Variants in GNA14 observed in about 807,000 individuals in gnomAD.
GNA14 encodes the protein G protein subunit alpha 14, also known as guanine nucleotide-binding protein subunit alpha-14.
GNA14 carries 50 observed loss-of-function variants against 42.0 expected under a neutral mutation model. The observed-to-expected ratio is 1.19, with a 90% CI of 0.95 to 1.51. The LOEUF (loss-of-function observed/expected upper bound fraction) is 1.51. Ranked by LOEUF, GNA14 falls within the 40% of genes most tolerant of loss-of-function variation. The pLI, the probability that GNA14 is intolerant of heterozygous loss-of-function variation, is 0.00. For synonymous variants in GNA14, 173 were observed against 163.1 expected (o/e 1.06, Z -0.46); for missense variants, 473 against 446.2 (o/e 1.06, Z -0.54).
At chr9:77,622,660 G>A (rs917333775) in intron 1 of GNA14, among the ~76,000 whole-genome samples, 2 of 150,888 alleles carry the variant, frequency 1.3e-5, no homozygotes, top group African/African-American at 4.9e-5. Context: ...GCTGAGGCAG[G>A]CAGATCACGA....
chr9:77,435,847 C>G (rs1835632480), intron 2 of GNA14, among the ~76,000 whole-genome samples: 1 of 152,074 alleles, frequency 6.6e-6, no homozygotes, highest in African/African-American at 2.4e-5. Flanking sequence ...TTGTAGCAGA[C>G]AAGTGAATCC....
chr9:77,496,565 C>T (rs527526521), intron 2 of GNA14, among the ~76,000 whole-genome samples: 67 of 152,212 alleles, frequency 4.4e-4, no homozygotes, highest in African/African-American at 1.3e-3. Context: ...TTGCCAGGTG[C>T]GCACAGTTAA....
chr9:77,553,733 C>A (rs546739764), intron 1 of GNA14, among the ~76,000 whole-genome samples: 132 of 152,086 alleles, frequency 8.7e-4, no homozygotes, highest in Non-Finnish European at 1.7e-3. Flanking sequence ...GCTTGCATCA[C>A]CATCATTCAA....
intron 2 of GNA14, among the ~76,000 whole-genome samples, chr9:77,436,333 T>G (rs1222751811): frequency 6.6e-6 from 1 of 152,230 alleles, no homozygotes; most frequent in African/African-American, 2.4e-5. Flanking sequence ...CCTGCCTCAG[T>G]GTCCTCATTT....
At chr9:77,601,289 G>T (rs1210994596) in intron 1 of GNA14, among the ~76,000 whole-genome samples, 1 of 152,104 alleles carries the variant, frequency 6.6e-6, no homozygotes, top group African/African-American at 2.4e-5. Flanking sequence ...CACAAAAACC[G>T]AGATTTAGCT....
At chr9:77,443,478 GA>G (rs1294281706) in intron 2 of GNA14, among the ~76,000 whole-genome samples, 2 of 152,176 alleles carry the variant, frequency 1.3e-5, no homozygotes, top group African/African-American at 4.8e-5. Flanking sequence ...AAGCCACCTA[GA>G]CTTCAATCTC....
intron 1 of GNA14, among the ~76,000 whole-genome samples, chr9:77,618,451 C>T (rs1275840271): frequency 6.6e-6 from 1 of 150,976 alleles, no homozygotes; most frequent in Admixed American, 6.6e-5. Flanking sequence ...GGGTTCGGTG[C>T]TGTGCTGTCT....
chr9:77,550,469 T>C (rs750464473), intron 1 of GNA14, among the ~76,000 whole-genome samples: 7 of 152,202 alleles, frequency 4.6e-5, no homozygotes, highest in Non-Finnish European at 1.0e-4. Flanking sequence ...AGCCAGTTTC[T>C]GGAGCAGATA....
intron 2 of GNA14, among the ~76,000 whole-genome samples, chr9:77,486,350 G>A (rs576591047): frequency 8.5e-5 from 13 of 152,148 alleles, no homozygotes; most frequent in Non-Finnish European, 1.6e-4. Flanking sequence ...GCCTGGCTCT[G>A]GATTCAATTT....
chr9:77,639,097 G>A (rs190398446), intron 1 of GNA14, among the ~76,000 whole-genome samples: 1 of 152,260 alleles, frequency 6.6e-6, no homozygotes, highest in Admixed American at 6.5e-5. Context: ...TTTAGGAAAA[G>A]TTATTTTATG....
At chr9:77,638,014 ACTCT>A (rs35902724) in intron 1 of GNA14, among the ~76,000 whole-genome samples, 12 of 151,928 alleles carry the variant, frequency 7.9e-5, no homozygotes, top group South Asian at 4.2e-4. Flanking sequence ...GTAATTAACG[ACTCT>A]CTCTCTGAAT....
intron 2 of GNA14, among the ~76,000 whole-genome samples, chr9:77,486,684 T>A (rs1836665947): frequency 1.3e-5 from 2 of 152,182 alleles, no homozygotes; most frequent in African/African-American, 4.8e-5. Flanking sequence ...TGGCCTAATT[T>A]CAATACTACT....
chr9:77,423,667 C>G lies in GNA14; in HGVS notation c.*312G>C, dbSNP rs1301537568. 1 of 174,794 alleles carries G rather than the reference C, an allele frequency of 5.7e-6. No homozygotes were observed. Among genetic ancestry groups the G allele is most frequent in the Non-Finnish European group, 1.2e-5 (1 of 83,464 alleles). The allele number at this position is 174,794 out of a possible 1,614,324, so 10.8% of individuals were successfully genotyped here. ...CATAATTTTAATCGCTATTTTTAAA[C>G]ATATTTAAAACTAAATCAAAGTGGC... is the stretch of plus-strand genomic sequence containing the variant. On this transcript the variant is annotated 3_prime_UTR_variant, in exon 7 of 7. Coordinates refer to ENST00000341700, the MANE Select transcript of GNA14 (RefSeq NM_004297.4).
chr9:77,476,576 C>T (rs1041537442), intron 2 of GNA14, among the ~76,000 whole-genome samples: 1 of 152,206 alleles, frequency 6.6e-6, no homozygotes, highest in Non-Finnish European at 1.5e-5. Flanking sequence ...AAGGGCCATA[C>T]TGCCTCTTAC....
intron 1 of GNA14, among the ~76,000 whole-genome samples, chr9:77,608,062 A>G (rs2117935796): frequency 6.6e-6 from 1 of 152,254 alleles, no homozygotes; most frequent in African/African-American, 2.4e-5. Flanking sequence ...GGGCTCTCAC[A>G]AAAAGCCTTG....
intron 1 of GNA14, among the ~76,000 whole-genome samples, chr9:77,602,000 T>C (rs946076058): frequency 1.3e-5 from 2 of 152,202 alleles, no homozygotes; most frequent in African/African-American, 4.8e-5. Context: ...TGTTTTACAA[T>C]TATTTGATTC....
At chr9:77,618,255 T>G (rs1587849714) in intron 1 of GNA14, among the ~76,000 whole-genome samples, 1 of 152,238 alleles carries the variant, frequency 6.6e-6, no homozygotes, top group East Asian at 1.9e-4. Flanking sequence ...AAAGGATCAT[T>G]TCATTGTTGA....
intron 1 of GNA14, among the ~76,000 whole-genome samples, chr9:77,534,422 T>C (rs1219779098): frequency 1.3e-5 from 2 of 152,210 alleles, no homozygotes; most frequent in East Asian, 1.9e-4. Flanking sequence ...TCCCAAGTGA[T>C]AGTCCAAGGA....
intron 2 of GNA14, among the ~76,000 whole-genome samples, chr9:77,508,455 C>T (rs762101846): frequency 8.5e-5 from 13 of 152,072 alleles, no homozygotes; most frequent in Admixed American, 4.6e-4. Context: ...AAATTGGAGA[C>T]GACTGATTAA....
Sources: allele counts gnomAD v4.1 joint callset (sites outside exome capture counted in the v4.1 genomes callset), GRCh38; gene constraint gnomAD v4.1.1; transcripts MANE v1.5; gene names NCBI Gene and HGNC (gene_info 2026-07-23, HGNC 2026-07-21).